B3GALT5: variants seen among roughly 807,000 people sequenced by gnomAD.
B3GALT5 encodes the protein UDP-Gal:betaGlcNAc beta 1,3-galactosyltransferase, polypeptide 5.
For missense variants in B3GALT5, 328 were observed against 396.6 expected, an observed-to-expected ratio of 0.83 and a Z score of 1.47; for synonymous variants, 156 against 158.6, an observed-to-expected ratio of 0.98 and a Z score of 0.12.
intron 1 of B3GALT5, among the ~76,000 whole-genome samples, chr21:39,643,611 G>A (rs2079310463): frequency 6.6e-6 from 1 of 152,262 alleles, no homozygotes; most frequent in East Asian, 1.9e-4. Context: ...GTGGGTTATT[G>A]TTTGAAAAGA....
chr21:39,651,418 A>T (rs967056856), intron 2 of B3GALT5, among the ~76,000 whole-genome samples: 1 of 152,160 alleles, frequency 6.6e-6, no homozygotes, highest in Non-Finnish European at 1.5e-5. Flanking sequence ...TGCCTTTGGC[A>T]TTCCTTGGCT....
At chr21:39,640,993 C>T (rs1244808776) in intron 1 of B3GALT5, among the ~76,000 whole-genome samples, 2 of 152,190 alleles carry the variant, frequency 1.3e-5, no homozygotes, top group African/African-American at 4.8e-5. Context: ...GATCTACCTG[C>T]TTCAGGCTCC....
In B3GALT5 at chr21:39,666,123, G is replaced by A. The variant is rs961170193; in HGVS notation, c.*4631G>A. 1.1e-4 allele frequency: 16 copies of A among 151,972 alleles called. No individual in the cohort carries two copies. The highest frequency in any genetic ancestry group is 2.4e-4 in the African/African-American group (10 of 41,410). 9.4% of individuals were successfully genotyped at this position (151,972 alleles called of 1,614,324 possible). The stretch of plus-strand genomic sequence containing the variant: ...GAGTCAGTAAGTAGGAAATGGGTGC[G>A]ACTCTGTGACCTGAAAACCTAGAAA... On this transcript the variant is annotated 3_prime_UTR_variant, in exon 4 of 4. Transcript: ENST00000684187.
rs1330619667 is a variant in B3GALT5 at position 39,660,855 on chromosome 21, C to T, written c.296C>T (p.Thr99Ile). The change falls in exon 4 of 4, where the codon ACC becomes ATC. Residue 99 changes from threonine to isoleucine, a missense_variant. By Grantham distance (89) the Thr-to-Ile change is moderately conservative (BLOSUM62 -1). Coordinates refer to ENST00000684187, the MANE Select transcript of B3GALT5 (RefSeq NM_001356336.2). ...KQLKTFFLLG[T>I]TSSAAETKEV... The stretch of plus-strand genomic sequence containing the variant: ...CTGAAGACATTCTTCCTCCTGGGGA[C>T]CACCAGCAGTGCAGCGGAAACGAAA... 6.2e-7 allele frequency: 1 copy of T among 1,611,584 alleles called. No individual in the cohort carries two copies. Among genetic ancestry groups the T allele is most frequent in the Non-Finnish European group, 8.5e-7 (1 of 1,178,824 alleles).
At chr21:39,616,712 T>TA in intron 1 of B3GALT5, among the ~76,000 whole-genome samples, 1 of 152,336 alleles carries the variant, frequency 6.6e-6, no homozygotes, top group East Asian at 1.9e-4. Flanking sequence ...GTCCTGGAGA[T>TA]ACAGTTTATC....
rs534717970 is a variant in B3GALT5, at chr21:39,625,410, A to T, written c.-392+12343A>T. On this transcript the variant is annotated intron_variant, in intron 1 of 3. Transcript: ENST00000684187. ...CTTTTATTTATCTGATTTCCTCATT[A>T]GTCCATGGGGTGTGTTCCTCGCAAG... Among the ~76,000 whole-genome samples the T allele has an allele frequency of 3.1e-4, 47 of 152,296 alleles. 1 individual carries two copies. The South Asian group carries it at 5.2e-3, about 17-fold the overall frequency.
At chr21:39,622,649 A>T (rs1386531580) in intron 1 of B3GALT5, among the ~76,000 whole-genome samples, 2 of 151,986 alleles carry the variant, frequency 1.3e-5, no homozygotes, top group Non-Finnish European at 2.9e-5. Flanking sequence ...ATATAGGTAG[A>T]TTTTTTCCAA....
chr21:39,633,787 C>G (rs2146193000), intron 1 of B3GALT5, among the ~76,000 whole-genome samples: 1 of 152,216 alleles, frequency 6.6e-6, no homozygotes, highest in South Asian at 2.1e-4. Context: ...GTGAAAATTG[C>G]TTTCATATAT....
At chr21:39,654,448 A>G (rs1038342273) in intron 2 of B3GALT5, among the ~76,000 whole-genome samples, 7 of 152,330 alleles carry the variant, frequency 4.6e-5, no homozygotes, top group South Asian at 4.1e-4. Context: ...GTTTCTTGAA[A>G]TGGAATCTAC....
At position 39,661,546 on chromosome 21, in the gene B3GALT5, T is replaced by C. The variant is rs2079525125; in HGVS notation, c.*54T>C. ...TTTCAGATAACCCGTGGGGATAGTT[T>C]TTGCTAGATTTTGGAAGAGGGGGCG... On this transcript the variant is annotated 3_prime_UTR_variant, in exon 4 of 4. Coordinates refer to ENST00000684187, the MANE Select transcript of B3GALT5 (RefSeq NM_001356336.2). The surrounding 1 kb of genome is among the most constrained non-coding windows in gnomAD (Gnocchi z 4.7). The C allele has an allele frequency of 2.1e-6, 3 of 1,441,996 alleles. No individual in the cohort carries two copies. The highest frequency in any genetic ancestry group is 9.2e-7 in the Non-Finnish European group (1 of 1,090,386). The allele number at this position is 1,441,996 out of a possible 1,614,324, so 89.3% of individuals were successfully genotyped here. A position where few individuals can be genotyped will look rare whatever the true frequency, so the allele number is the denominator to read the frequency against.
chr21:39,621,575 A>AGTG (rs1184426692), intron 1 of B3GALT5, among the ~76,000 whole-genome samples: 5 of 152,012 alleles, frequency 3.3e-5, no homozygotes, highest in Admixed American at 6.6e-5. Context: ...TTCTGATGAC[A>AGTG]GATTCATTGT....
chr21:39,670,388 T>C lies in B3GALT5; in HGVS notation c.*8896T>C, dbSNP rs1018077652. 1 of 152,192 alleles carries C rather than the reference T, an allele frequency of 6.6e-6. No homozygotes were observed. The highest frequency in any genetic ancestry group is 2.4e-5 in the African/African-American group (1 of 41,442). 9.4% of individuals were successfully genotyped at this position (152,192 alleles called of 1,614,324 possible). ...CAAGGGGCGGTTTAATTACCTGGGA[T>C]GTAAAACAGCAGGCACCCCCACTGC... On this transcript the variant is annotated 3_prime_UTR_variant, in exon 4 of 4. Coordinates refer to ENST00000684187, the MANE Select transcript of B3GALT5 (RefSeq NM_001356336.2).
chr21:39,650,190 CA>C (rs2079381906), intron 2 of B3GALT5, among the ~76,000 whole-genome samples: 1 of 152,178 alleles, frequency 6.6e-6, no homozygotes, highest in Non-Finnish European at 1.5e-5. Flanking sequence ...AAAATAAATA[CA>C]GGTGATTTCT....
chr21:39,661,200 G>T lies in B3GALT5; in HGVS notation c.641G>T (p.Cys214Phe). 1.9e-6 allele frequency: 3 copies of T among 1,614,178 alleles called. No homozygotes were observed. The highest frequency in any genetic ancestry group is 2.5e-6 in the Non-Finnish European group (3 of 1,180,044). Residue 214 changes from cysteine to phenylalanine, a missense_variant, in exon 4 of 4, where the codon TGC becomes TTC. Coordinates refer to ENST00000684187, the MANE Select transcript of B3GALT5 (RefSeq NM_001356336.2). This position sits in a 1 kb window ranked among gnomAD's most constrained non-coding sequence, Gnocchi z 4.7. The part of the protein sequence containing the change: ...EYPWDRYPPF[C>F]SGTGYVFSGD... ...CCGTGGGACAGGTACCCACCATTCT[G>T]CTCCGGCACCGGCTACGTGTTTTCT...
chr21:39,658,063 C>T (rs2079466547), intron 2 of B3GALT5, among the ~76,000 whole-genome samples: 1 of 152,200 alleles, frequency 6.6e-6, no homozygotes, highest in Non-Finnish European at 1.5e-5. Context: ...GTGCCCCTAC[C>T]TCCTCCTTCA....
chr21:39,621,790 CT>C (rs1227776772), intron 1 of B3GALT5, among the ~76,000 whole-genome samples: 1 of 151,822 alleles, frequency 6.6e-6, no homozygotes, highest in Non-Finnish European at 1.5e-5. Flanking sequence ...ATTTCTGTCT[CT>C]TTTTTTCTTG....
intron 2 of B3GALT5, among the ~76,000 whole-genome samples, chr21:39,658,512 A>G (rs539515543): frequency 1.4e-3 from 218 of 152,318 alleles, no homozygotes; most frequent in African/African-American, 5.1e-3. Context: ...TCTAAAATGT[A>G]TTGTGGGGGA....
chr21:39,670,307 C>T lies in B3GALT5; in HGVS notation c.*8815C>T, dbSNP rs1881586831. The T allele has an allele frequency of 6.6e-6, 1 of 152,140 alleles. No homozygotes were observed. Among genetic ancestry groups the T allele is most frequent in the African/African-American group, 2.4e-5 (1 of 41,394 alleles). 9.4% of individuals were successfully genotyped at this position (152,140 alleles called of 1,614,324 possible). On this transcript the variant is annotated 3_prime_UTR_variant, in exon 4 of 4. Coordinates refer to ENST00000684187, the MANE Select transcript of B3GALT5 (RefSeq NM_001356336.2). ...TTAGAGATACCATGCTCAGTGGAAG[C>T]TGGTTCTGAACAATGTTAACTGCCC...
chr21:39,671,765 AGT>A lies in B3GALT5; in HGVS notation c.*10279_*10280del, dbSNP rs1342339694. 2 of 152,204 alleles carry A rather than the reference AGT, an allele frequency of 1.3e-5. No individual in the cohort carries two copies. Among genetic ancestry groups the A allele is most frequent in the Non-Finnish European group, 2.9e-5 (2 of 68,034 alleles). The allele number at this position is 152,204 out of a possible 1,614,324, so 9.4% of individuals were successfully genotyped here. On this transcript the variant is annotated 3_prime_UTR_variant, in exon 4 of 4. Transcript: ENST00000684187. ...TGGGAATGTAGAGAGAAGGATTTGC[AGT>A]GTGTGGCCCCTGGGAATGTAGAGGC...
Sources: allele counts gnomAD v4.1 joint callset (sites outside exome capture counted in the v4.1 genomes callset), GRCh38; gene constraint gnomAD v4.1.1; non-coding constraint Gnocchi (gnomAD v3.1); transcripts MANE v1.5; gene names NCBI Gene and HGNC (gene_info 2026-07-23, HGNC 2026-07-21).